DPP10: variants seen among roughly 807,000 people sequenced by gnomAD.
DPP10 encodes inactive dipeptidyl peptidase 10.
In DPP10, 33 loss-of-function variants were observed where a neutral mutation model predicts 120.9. The ratio of observed to expected loss-of-function variants is 0.27; its 90% CI spans 0.21 to 0.37. The LOEUF (loss-of-function observed/expected upper bound fraction) is 0.37. Ranked by LOEUF, DPP10 falls within the 10% of genes least tolerant of loss-of-function variation. DPP10 has a pLI of 1.00. For synonymous variants in DPP10, 337 were observed against 326.1 expected (o/e 1.03, Z -0.36); for missense variants, 816 against 942.8 (o/e 0.87, Z 1.76).
At chr2:114,447,909 T>C (rs1415022625) in intron 1 of DPP10, among the ~76,000 whole-genome samples, 1 of 152,210 alleles carries the variant, frequency 6.6e-6, no homozygotes, top group Non-Finnish European at 1.5e-5. Flanking sequence ...ATATTTTTAA[T>C]TACTCTGACA....
chr2:115,277,896 C>G (rs2059985428), intron 1 of DPP10, among the ~76,000 whole-genome samples: 1 of 152,080 alleles, frequency 6.6e-6, no homozygotes, highest in Non-Finnish European at 1.5e-5. Flanking sequence ...CTGTTAACAT[C>G]TGAAAAAAAT....
intron 3 of DPP10, among the ~76,000 whole-genome samples, chr2:115,352,947 TAC>T (rs992051457): frequency 6.6e-6 from 1 of 152,048 alleles, no homozygotes; most frequent in Admixed American, 6.6e-5. Context: ...TTTTATTTGA[TAC>T]AGTCTTCACT....
intron 8 of DPP10, 73 bp downstream of exon 8, chr2:115,728,009 A>G (rs1295029025): frequency 6.0e-6 from 9 of 1,511,904 alleles, no homozygotes; most frequent in Admixed American, 2.2e-5. Context: ...AAAAAAATCT[A>G]TTCATTCCGG....
intron 1 of DPP10, among the ~76,000 whole-genome samples, chr2:115,006,778 A>T (rs1701878430): frequency 6.6e-6 from 1 of 152,020 alleles, no homozygotes; most frequent in Admixed American, 6.6e-5. Flanking sequence ...TGGAGACTTT[A>T]ACACCCCACT....
At chr2:115,650,250 C>T (rs1459518301) in intron 5 of DPP10, among the ~76,000 whole-genome samples, 2 of 152,038 alleles carry the variant, frequency 1.3e-5, no homozygotes, top group Non-Finnish European at 2.9e-5. Context: ...ATCACTTCAA[C>T]TTGAATCCAT....
chr2:114,729,537 C>T (rs1013818257), intron 1 of DPP10, among the ~76,000 whole-genome samples: 1 of 152,190 alleles, frequency 6.6e-6, no homozygotes, highest in South Asian at 2.1e-4. Context: ...AGGAAAAGCC[C>T]AAAGTTTGGT....
At chr2:115,451,574 TTAAA>T (rs1313271076) in intron 3 of DPP10, among the ~76,000 whole-genome samples, 1 of 151,920 alleles carries the variant, frequency 6.6e-6, no homozygotes, top group Non-Finnish European at 1.5e-5. Flanking sequence ...AGTCACTTAA[TTAAA>T]AGTGTTGTCA....
intron 5 of DPP10, among the ~76,000 whole-genome samples, chr2:115,672,680 C>CTTTTTCTTTCTTTCTT (rs147861157): frequency 8.8e-6 from 1 of 113,264 alleles, no homozygotes; most frequent in Non-Finnish European, 1.8e-5. Context: ...CTCTTTCTTT[C>CTTTTTCTTTCTTTCTT]TCTTTCTTTC....
chr2:115,162,791 C>G (rs1258117339), intron 1 of DPP10, among the ~76,000 whole-genome samples: 1 of 152,126 alleles, frequency 6.6e-6, no homozygotes, highest in Non-Finnish European at 1.5e-5. Context: ...CTTTAGAAAT[C>G]TGTAGCATAA....
In DPP10 at chr2:114,865,559, G is replaced by A. The variant is rs1690155135; in HGVS notation, c.60+422721G>A. ...ATTTAATTTAACATGTGGAGCAACAGGTTCATTAATCACTTCATATTAATA... is the reference window on the plus strand; with the variant it reads ...ATTTAATTTAACATGTGGAGCAACAAGTTCATTAATCACTTCATATTAATA... On this transcript the variant is annotated intron_variant, in intron 1 of 25. Transcript: ENST00000410059. Among the ~76,000 whole-genome samples the A allele has an allele frequency of 2.0e-5, 3 of 152,296 alleles. No homozygotes were observed. The South Asian group carries it at 6.2e-4, about 32-fold the overall frequency.
chr2:115,290,262 G>A (rs1236339379), intron 1 of DPP10, among the ~76,000 whole-genome samples: 1 of 152,062 alleles, frequency 6.6e-6, no homozygotes, highest in East Asian at 1.9e-4. Flanking sequence ...TTGGTGTTTA[G>A]GAGTGAAGTG....
intron 1 of DPP10, among the ~76,000 whole-genome samples, chr2:114,971,851 A>T (rs1699419874): frequency 1.3e-5 from 2 of 152,174 alleles, no homozygotes. Flanking sequence ...TTTTATAGTG[A>T]GACATTCATG....
At chr2:115,289,587 C>T (rs1243966995) in intron 1 of DPP10, among the ~76,000 whole-genome samples, 7 of 151,574 alleles carry the variant, frequency 4.6e-5, no homozygotes, top group African/African-American at 1.7e-4. Flanking sequence ...CACATTAACT[C>T]ATTTCCAATT....
In DPP10 at chr2:115,842,432, T is replaced by C; in HGVS notation, c.*87T>C. On this transcript the variant is annotated 3_prime_UTR_variant, in exon 26 of 26. Transcript: ENST00000410059. ...CTGTAATATTGTAGTTGCTCCAGAA[T>C]GTCAAGGGCAGCTTACGGAGATGTC... The C allele has an allele frequency of 6.8e-7, 1 of 1,477,502 alleles. No individual in the cohort carries two copies. Among genetic ancestry groups the C allele is most frequent in the Non-Finnish European group, 9.1e-7 (1 of 1,098,294 alleles). 91.5% of individuals were successfully genotyped at this position (1,477,502 alleles called of 1,614,324 possible).
intron 1 of DPP10, among the ~76,000 whole-genome samples, chr2:115,256,631 T>C (rs1019262040): frequency 2.0e-5 from 3 of 152,220 alleles, no homozygotes; most frequent in African/African-American, 7.2e-5. Context: ...ACTGCTGAAA[T>C]GCCTTTGAGG....
chr2:115,355,064 C>T (rs955296011), intron 3 of DPP10, among the ~76,000 whole-genome samples: 6 of 152,064 alleles, frequency 3.9e-5, no homozygotes, highest in Non-Finnish European at 7.4e-5. Context: ...GGGTATATAT[C>T]CAGTAATGGG....
intron 5 of DPP10, among the ~76,000 whole-genome samples, chr2:115,545,044 T>A (rs2079415229): frequency 6.6e-6 from 1 of 151,820 alleles, no homozygotes; most frequent in African/African-American, 2.4e-5. Context: ...AATACCTCGA[T>A]TTATTACTGA....
intron 1 of DPP10, among the ~76,000 whole-genome samples, chr2:115,230,707 T>A (rs1312265149): frequency 1.3e-5 from 2 of 152,070 alleles, no homozygotes; most frequent in Non-Finnish European, 2.9e-5. Flanking sequence ...TGTTAATGAT[T>A]TATTTGTTGT....
At chr2:115,643,417 C>A (rs2086952511) in intron 5 of DPP10, among the ~76,000 whole-genome samples, 1 of 152,052 alleles carries the variant, frequency 6.6e-6, no homozygotes, top group African/African-American at 2.4e-5. Context: ...TGTAGAGAGG[C>A]AGTAAAACTG....
Sources: gnomAD v4.1 joint callset for allele counts (sites outside exome capture counted in the v4.1 genomes callset) on GRCh38, gnomAD v4.1.1 for gene constraint, MANE v1.5 for transcripts, NCBI Gene and HGNC (gene_info 2026-07-23, HGNC 2026-07-21) for gene names.